ARHGDIB: variants seen among roughly 807,000 people sequenced by gnomAD.
The protein encoded by ARHGDIB is rho GDP-dissociation inhibitor 2.
Under a neutral mutation model 22.6 loss-of-function variants are expected in ARHGDIB, and 20 were observed. The ratio of observed to expected loss-of-function variants is 0.88; its 90% CI spans 0.62 to 1.28. ARHGDIB has a LOEUF of 1.28. ARHGDIB is among the 50% of genes most tolerant of loss of function. The probability of loss-of-function intolerance (pLI) is 0.00; values close to 1 mark genes in which losing one functional copy is unlikely to be tolerated. For missense variants in ARHGDIB, 254 were observed against 245.4 expected (o/e 1.04, Z -0.23); for synonymous variants, 114 against 96.1 (o/e 1.19, Z -1.09).
intron 1 of ARHGDIB, among the ~76,000 whole-genome samples, chr12:14,954,956 A>T (rs1320194215): frequency 6.6e-6 from 1 of 152,252 alleles, no homozygotes; most frequent in East Asian, 1.9e-4. Flanking sequence ...ATATGCAATA[A>T]AATTCATCTT....
Position 14,950,705 on chromosome 12 carries a change from T to A in ARHGDIB, c.8A>T (p.Glu3Val), listed in dbSNP as rs764587718. 1 of 1,606,504 alleles carries A rather than the reference T, an allele frequency of 6.2e-7. No homozygotes were observed. Among genetic ancestry groups the A allele is most frequent in the East Asian group, 2.2e-5 (1 of 44,858 alleles). The change falls in exon 2 of 6, where the codon GAA becomes GTA. Residue 3 changes from glutamate to valine, a missense_variant. Transcript: ENST00000228945. MT[E>V]KAPEPHVEED... ...CTCCACATGTGGCTCTGGGGCTTTT[T>A]CAGTCATTCTGATCTATTTCTGGGA...
chr12:14,953,088 C>T (rs10492146), intron 1 of ARHGDIB, among the ~76,000 whole-genome samples: 38,707 of 152,078 alleles, frequency 0.25, 4,995 homozygotes, highest in Middle Eastern at 0.31. Context: ...ATCTTCTCAT[C>T]AGTAAATCTG....
At chr12:14,949,745 A>G in intron 3 of ARHGDIB, 57 bp downstream of exon 3, 1 of 1,539,522 alleles carries the variant, frequency 6.5e-7, no homozygotes, top group South Asian at 1.1e-5. Context: ...GACAGAGACC[A>G]AGTTTTCTTT....
chr12:14,943,161 C>G (rs897770837), intron 5 of ARHGDIB, among the ~76,000 whole-genome samples: 1 of 152,128 alleles, frequency 6.6e-6, no homozygotes, highest in Non-Finnish European at 1.5e-5. Flanking sequence ...AGCCACCGCA[C>G]CTGGCCCTGA....
At chr12:14,945,307 A>G (rs1341726325) in intron 4 of ARHGDIB, among the ~76,000 whole-genome samples, 1 of 152,228 alleles carries the variant, frequency 6.6e-6, no homozygotes, top group African/African-American at 2.4e-5. Flanking sequence ...AAAAACAAAC[A>G]ACAAGGAGGA....
Position 14,950,521 on chromosome 12 carries a change from T to C in ARHGDIB, c.181+11A>G, listed in dbSNP as rs762129203. 7 of 1,608,060 alleles carry C rather than the reference T, an allele frequency of 4.4e-6. No individual in the cohort carries two copies. The highest frequency in any genetic ancestry group is 5.9e-6 in the Non-Finnish European group (7 of 1,177,120). The stretch of plus-strand genomic sequence containing the variant: ...GATCTTCCACCCACCCTGTTCTCTG[T>C]ACACACATACCTGTCACCACAGGAC... On this transcript the variant is annotated intron_variant, in intron 2 of 5. Coordinates refer to ENST00000228945, the MANE Select transcript of ARHGDIB (RefSeq NM_001175.7).
At chr12:14,943,977 C>T (rs1289102902) in intron 5 of ARHGDIB, among the ~76,000 whole-genome samples, 6 of 152,082 alleles carry the variant, frequency 3.9e-5, no homozygotes, top group Non-Finnish European at 8.8e-5. Context: ...CAATGGTCTT[C>T]TCTGGGATTT....
intron 3 of ARHGDIB, 151 bp from the exon 4 acceptor site, chr12:14,948,100 G>GCGTGCGCA (rs71926892): frequency 1.1e-5 from 5 of 437,430 alleles, no homozygotes; most frequent in South Asian, 5.5e-5. Flanking sequence ...TTTAGTCCTT[G>GCGTGCGCA]CACACACACA....
At chr12:14,943,881 G>A (rs1863942993) in intron 5 of ARHGDIB, among the ~76,000 whole-genome samples, 1 of 152,200 alleles carries the variant, frequency 6.6e-6, no homozygotes, top group African/African-American at 2.4e-5. Flanking sequence ...GAGGTGATAC[G>A]GGCTTTATGC....
intron 5 of ARHGDIB, among the ~76,000 whole-genome samples, chr12:14,943,386 T>G (rs1436425636): frequency 1.8e-3 from 177 of 99,398 alleles, no homozygotes; most frequent in Admixed American, 4.5e-3. Context: ...TGTTTTTTTT[T>G]TTTTTGTTGT....
intron 4 of ARHGDIB, 170 bp downstream of exon 4, chr12:14,947,703 G>A (rs1864051993): frequency 1.7e-6 from 1 of 591,638 alleles, no homozygotes; most frequent in Non-Finnish European, 3.0e-6. Flanking sequence ...GGCAAACGTG[G>A]GTCTCAACAG....
chr12:14,949,970 T>A, intron 2 of ARHGDIB, 85 bp from the exon 3 acceptor site: 1 of 1,217,334 alleles, frequency 8.2e-7, no homozygotes, highest in East Asian at 2.4e-5. Context: ...ACAGAGAGTA[T>A]GAAAATAAAA....
At chr12:14,948,556 G>A (rs894147760) in intron 3 of ARHGDIB, among the ~76,000 whole-genome samples, 4 of 152,136 alleles carry the variant, frequency 2.6e-5, no homozygotes, top group African/African-American at 9.7e-5. Flanking sequence ...AGTTATAAAA[G>A]CTTCAGGTTC....
At chr12:14,954,129 C>A (rs760021057) in intron 1 of ARHGDIB, among the ~76,000 whole-genome samples, 4 of 152,104 alleles carry the variant, frequency 2.6e-5, no homozygotes, top group Non-Finnish European at 4.4e-5. Flanking sequence ...CGGGCACATG[C>A]CACCTGCCTG....
Position 14,947,962 on chromosome 12 carries a change from A to G in ARHGDIB, c.266-13T>C. The G allele has an allele frequency of 6.3e-7, 1 of 1,597,690 alleles. No individual in the cohort carries two copies. Among genetic ancestry groups the G allele is most frequent in the South Asian group, 1.1e-5 (1 of 90,728 alleles). ...GCTTCCAGATCTCCTGTAGAAGAAG[A>G]TTTAGAGAGAGTTTATCCTCAAAAG... On this transcript the variant is annotated splice_polypyrimidine_tract_variant and intron_variant, in intron 3 of 5. Transcript: ENST00000228945.
At chr12:14,960,417 T>G (rs1864386649) in intron 1 of ARHGDIB, among the ~76,000 whole-genome samples, 1 of 152,176 alleles carries the variant, frequency 6.6e-6, no homozygotes, top group South Asian at 2.1e-4. Flanking sequence ...CCCTTGAATT[T>G]TTCTCAAACC....
At chr12:14,949,745 A>T (rs2120715653) in intron 3 of ARHGDIB, 57 bp downstream of exon 3, 1 of 1,539,522 alleles carries the variant, frequency 6.5e-7, no homozygotes, top group East Asian at 2.3e-5. Context: ...GACAGAGACC[A>T]AGTTTTCTTT....
rs762928059 is a variant in ARHGDIB at position 14,952,758 on chromosome 12, C to T, written c.-12-2034G>A. Among the ~76,000 whole-genome samples the T allele has an allele frequency of 1.3e-3, 195 of 152,304 alleles. 1 individual carries two copies. Among genetic ancestry groups the T allele is most frequent in the Non-Finnish European group, 2.4e-3 (160 of 68,022 alleles). On this transcript the variant is annotated intron_variant, in intron 1 of 5. Coordinates refer to ENST00000228945, the MANE Select transcript of ARHGDIB (RefSeq NM_001175.7). ...CCACATAACAAACCTGCTGACCGAG[C>T]ATCGGAACAACGGTTCATAGAGGAA... is the stretch of plus-strand genomic sequence containing the variant.
At chr12:14,943,053 A>G (rs1863911511) in intron 5 of ARHGDIB, among the ~76,000 whole-genome samples, 2 of 152,130 alleles carry the variant, frequency 1.3e-5, no homozygotes, top group Admixed American at 1.3e-4. Context: ...TTTTTAGTAG[A>G]GACGGGGTTT....
Sources: gnomAD v4.1 joint callset for allele counts (sites outside exome capture counted in the v4.1 genomes callset) on GRCh38, gnomAD v4.1.1 for gene constraint, MANE v1.5 for transcripts, NCBI Gene and HGNC (gene_info 2026-07-23, HGNC 2026-07-21) for gene names.